SMIM36: variants seen among roughly 807,000 people sequenced by gnomAD.
SMIM36 encodes the protein small integral membrane protein 36.
chr17:55,455,987 A>G (rs1567861706), intron 4 of SMIM36, among the ~76,000 whole-genome samples: 1 of 151,242 alleles, frequency 6.6e-6, no homozygotes, highest in Non-Finnish European at 1.5e-5. Flanking sequence ...GTGTGGTAGG[A>G]CGCACCTGTA....
At chr17:55,464,736 C>G (rs1909205418) in intron 4 of SMIM36, among the ~76,000 whole-genome samples, 1 of 152,306 alleles carries the variant, frequency 6.6e-6, no homozygotes, top group African/African-American at 2.4e-5. Flanking sequence ...ATTGGGCCTC[C>G]CTAAGCTCTC....
chr17:55,468,853 A>T (rs190817610), intron 3 of SMIM36, among the ~76,000 whole-genome samples: 2 of 152,132 alleles, frequency 1.3e-5, no homozygotes, highest in Non-Finnish European at 2.9e-5. Context: ...CTTGGCCCCA[A>T]TACAAACTGG....
At chr17:55,519,392 A>G in the SMIM36 span, among the ~76,000 whole-genome samples, 1 of 152,094 alleles carries the variant, frequency 6.6e-6, no homozygotes, top group East Asian at 1.9e-4. Context: ...AAATTGTGAT[A>G]AATGGTGGAG....
chr17:55,517,817 T>C, the SMIM36 span, among the ~76,000 whole-genome samples: 8 of 152,240 alleles, frequency 5.3e-5, no homozygotes, highest in African/African-American at 1.9e-4. Flanking sequence ...TTTAGACTTA[T>C]CAATATATAG....
At chr17:55,517,299 C>T in the SMIM36 span, among the ~76,000 whole-genome samples, 2 of 152,152 alleles carry the variant, frequency 1.3e-5, no homozygotes, top group Admixed American at 1.3e-4. Flanking sequence ...ACCTGTAATA[C>T]CAGCACTTTG....
the SMIM36 span, among the ~76,000 whole-genome samples, chr17:55,528,482 G>A: frequency 4.0e-5 from 6 of 151,664 alleles, no homozygotes; most frequent in East Asian, 1.9e-4. Context: ...CTCCCAAGTC[G>A]CTTGGATTAT....
intron 1 of SMIM36, among the ~76,000 whole-genome samples, chr17:55,488,912 TCATCATC>T (rs1909654354): frequency 6.6e-6 from 1 of 151,972 alleles, no homozygotes. Flanking sequence ...ATCATCATCA[TCATCATC>T]ATCATCATCA....
intron 4 of SMIM36, among the ~76,000 whole-genome samples, chr17:55,459,459 A>G (rs1410427291): frequency 1.3e-5 from 2 of 152,162 alleles, no homozygotes; most frequent in African/African-American, 4.8e-5. Flanking sequence ...ATTTGAATTT[A>G]AGGGACAAAA....
At chr17:55,473,316 C>T (rs1364237384) in intron 3 of SMIM36, among the ~76,000 whole-genome samples, 1 of 152,166 alleles carries the variant, frequency 6.6e-6, no homozygotes, top group Admixed American at 6.5e-5. Context: ...TGGATTTACT[C>T]CAACACAAGG....
At chr17:55,466,293 A>G (rs990429658) in intron 4 of SMIM36, among the ~76,000 whole-genome samples, 3 of 151,060 alleles carry the variant, frequency 2.0e-5, no homozygotes, top group Non-Finnish European at 4.4e-5. Flanking sequence ...AAAAAAAAAA[A>G]AAAAAAAAAG....
intron 4 of SMIM36, among the ~76,000 whole-genome samples, chr17:55,464,275 G>A (rs79471068): frequency 0.035 from 5,334 of 152,176 alleles, 276 homozygotes; most frequent in African/African-American, 0.11. Context: ...TTGATTCCAC[G>A]TGGAGCCCTG....
chr17:55,452,053 T>C (rs1330295217), intron 4 of SMIM36, among the ~76,000 whole-genome samples: 1 of 146,008 alleles, frequency 6.8e-6, no homozygotes, highest in African/African-American at 2.6e-5. Context: ...TAAGCTATGA[T>C]TGGGCCACTG....
At chr17:55,512,282 G>A (rs28501405), upstream of SMIM36, among the ~76,000 whole-genome samples, 32,161 of 152,130 alleles carry the variant, frequency 0.21, 4,862 homozygotes, top group African/African-American at 0.37. Context: ...CTGAAACAAG[G>A]GCAGTGTGAC....
chr17:55,510,473 A>G (rs951501237), intron 1 of SMIM36, among the ~76,000 whole-genome samples: 3 of 152,078 alleles, frequency 2.0e-5, no homozygotes, highest in Admixed American at 6.5e-5. Flanking sequence ...TCATGACCTT[A>G]GAGTCCTAGC....
At chr17:55,510,441 C>CA (rs1051744189) in intron 1 of SMIM36, among the ~76,000 whole-genome samples, 12 of 151,624 alleles carry the variant, frequency 7.9e-5, no homozygotes, top group African/African-American at 1.2e-4. Flanking sequence ...CCCATCTCTA[C>CA]AAAAAAAAGA....
intron 3 of SMIM36, among the ~76,000 whole-genome samples, chr17:55,469,403 TG>T (rs1909302434): frequency 1.3e-5 from 2 of 152,176 alleles, no homozygotes; most frequent in Admixed American, 6.5e-5. Context: ...GCCCAGTTCA[TG>T]ACCCATTTGG....
chr17:55,473,090 C>G (rs11079176), intron 3 of SMIM36, among the ~76,000 whole-genome samples: 76,695 of 151,744 alleles, frequency 0.51, 19,748 homozygotes, highest in South Asian at 0.57. Flanking sequence ...ATGGAAAATT[C>G]ACTCTTCCTG....
At chr17:55,492,242 C>CTTTTTTTTTTTTTTTTTTTTTTTTTTT (rs770501215) in intron 1 of SMIM36, among the ~76,000 whole-genome samples, 1 of 111,284 alleles carries the variant, frequency 9.0e-6, no homozygotes, top group Non-Finnish European at 1.8e-5. Flanking sequence ...TTCTTTCTTT[C>CTTTTTTTTTTTTTTTTTTTTTTTTTTT]TTTTTTTTTT....
At chr17:55,502,982 A>G (rs1473054814) in intron 1 of SMIM36, among the ~76,000 whole-genome samples, 1 of 151,524 alleles carries the variant, frequency 6.6e-6, no homozygotes, top group African/African-American at 2.4e-5. Context: ...CAGCAATGGA[A>G]GACGAAATGA....
Sources: allele counts gnomAD v4.1 joint callset (sites outside exome capture counted in the v4.1 genomes callset), GRCh38; gene constraint gnomAD v4.1.1; transcripts MANE v1.5; gene names NCBI Gene and HGNC (gene_info 2026-07-23, HGNC 2026-07-21).